Variants in ERBB4 observed in about 807,000 individuals in gnomAD.
The protein encoded by ERBB4 is receptor tyrosine-protein kinase erbB-4.
A neutral mutation model predicts 158.0 loss-of-function variants in ERBB4; 42 were observed. That is an observed-to-expected ratio of 0.27 (90% CI 0.21 to 0.34). The LOEUF (loss-of-function observed/expected upper bound fraction) is 0.34. Among genes scored for constraint, ERBB4 ranks in the 10% least tolerant of loss-of-function variants. ERBB4 has a pLI of 1.00. For synonymous variants in ERBB4, 583 were observed against 558.7 expected (o/e 1.04, Z -0.61); for missense variants, 1,333 against 1,624.1 (o/e 0.82, Z 3.08).
intron 4 of ERBB4, among the ~76,000 whole-genome samples, 168 bp downstream of exon 4, chr2:211,787,857 A>C (rs546386655): frequency 6.6e-6 from 1 of 152,322 alleles, no homozygotes; most frequent in East Asian, 1.9e-4. Flanking sequence ...AAAGAGAATT[A>C]GCTAGAAGTA....
chr2:211,531,148 A>T lies in ERBB4; in HGVS notation c.2487+30755T>A, dbSNP rs189522225. On this transcript the variant is annotated intron_variant, in intron 20 of 27. Coordinates refer to ENST00000342788, the MANE Select transcript of ERBB4 (RefSeq NM_005235.3). ...TAAACTAGACCCTATCTCTTACCAT[A>T]TTAAAAAATCAAATTTTACAGTGGA... Among the ~76,000 whole-genome samples, 35 of 152,260 alleles carry T rather than the reference A, an allele frequency of 2.3e-4. 1 individual carries two copies. In the East Asian group the frequency reaches 6.8e-3, roughly 29 times the overall value.
chr2:211,883,295 T>C (rs1304479050), intron 3 of ERBB4, among the ~76,000 whole-genome samples: 2 of 151,950 alleles, frequency 1.3e-5, no homozygotes, highest in African/African-American at 4.8e-5. Flanking sequence ...CGGGCCCTGT[T>C]GTGGGGTGGG....
chr2:212,410,888 T>A lies in ERBB4; in HGVS notation c.82+127561A>T. 1.3e-5 allele frequency among the ~76,000 whole-genome samples: 2 copies of A among 152,082 alleles called. 1 individual carries two copies. The highest frequency in any genetic ancestry group is 3.8e-4 in the East Asian group (2 of 5,198). On this transcript the variant is annotated intron_variant, in intron 1 of 27. Coordinates refer to ENST00000342788, the MANE Select transcript of ERBB4 (RefSeq NM_005235.3). Reference sequence around the variant, plus strand: ...TATTCAGATAGTTTCTCAAAGATTATTTACTGTTAATTTGTAGCCTCAAAA... The same window carrying A: ...TATTCAGATAGTTTCTCAAAGATTAATTACTGTTAATTTGTAGCCTCAAAA...
Position 211,560,262 on chromosome 2 carries a change from CTTTTTTT to C in ERBB4, c.2487+1634_2487+1640del, listed in dbSNP as rs769707072. Among the ~76,000 whole-genome samples the C allele has an allele frequency of 4.3e-3, 198 of 46,268 alleles. 2 individuals carry two copies. The highest frequency in any genetic ancestry group is 0.019 in the African/African-American group (193 of 10,414). 30.4% of individuals were successfully genotyped at this position (46,268 alleles called of 152,430 possible). ...CAGCACTAACAAATTTGAAGCTTAG[CTTTTTTT>C]TTTTTTTTTTTTTTTTTTTTTTGAG... On this transcript the variant is annotated intron_variant, in intron 20 of 27. Coordinates refer to ENST00000342788, the MANE Select transcript of ERBB4 (RefSeq NM_005235.3).
intron 1 of ERBB4, among the ~76,000 whole-genome samples, chr2:212,259,029 T>C (rs1392932761): frequency 6.6e-6 from 1 of 152,162 alleles, no homozygotes; most frequent in African/African-American, 2.4e-5. Flanking sequence ...GATGGACCAA[T>C]TGGAGCATCT....
chr2:211,707,299 T>G (rs767980065), intron 9 of ERBB4, among the ~76,000 whole-genome samples: 11 of 152,150 alleles, frequency 7.2e-5, no homozygotes, highest in Non-Finnish European at 1.6e-4. Context: ...ACTCACTGAT[T>G]TCAAAGTATG....
intron 1 of ERBB4, among the ~76,000 whole-genome samples, chr2:212,165,063 G>C (rs777029054): frequency 1.3e-5 from 2 of 151,760 alleles, no homozygotes; most frequent in Non-Finnish European, 2.9e-5. Flanking sequence ...TGCTGCGGTC[G>C]ACTTTGTCCA....
chr2:212,254,743 T>C (rs1186115516), intron 1 of ERBB4, among the ~76,000 whole-genome samples: 13 of 152,162 alleles, frequency 8.5e-5, no homozygotes, highest in Admixed American at 8.5e-4. Flanking sequence ...TTGTGAATAT[T>C]CAGGATGTGC....
intron 16 of ERBB4, among the ~76,000 whole-genome samples, chr2:211,632,257 G>C (rs2070171083): frequency 6.6e-6 from 1 of 151,976 alleles, no homozygotes. Flanking sequence ...ATTGTGATAT[G>C]TTTTTGTTTG....
chr2:211,964,974 T>C (rs1407717196), intron 2 of ERBB4, among the ~76,000 whole-genome samples: 1 of 152,178 alleles, frequency 6.6e-6, no homozygotes, highest in Non-Finnish European at 1.5e-5. Flanking sequence ...ATTTCCATGT[T>C]ACCTTTTAAA....
At chr2:212,337,963 C>T (rs2088524602) in intron 1 of ERBB4, among the ~76,000 whole-genome samples, 1 of 152,084 alleles carries the variant, frequency 6.6e-6, no homozygotes, top group Admixed American at 6.6e-5. Context: ...AAAGCAGACA[C>T]TTTTGAGAGT....
chr2:211,990,621 T>C (rs1414776808), intron 2 of ERBB4, among the ~76,000 whole-genome samples: 2 of 151,962 alleles, frequency 1.3e-5, no homozygotes, highest in Admixed American at 6.6e-5. Context: ...AAATTTAAAA[T>C]AGCTGGTTAC....
At chr2:211,629,983 A>T (rs2070039352) in intron 17 of ERBB4, among the ~76,000 whole-genome samples, 1 of 152,240 alleles carries the variant, frequency 6.6e-6, no homozygotes, top group African/African-American at 2.4e-5. Flanking sequence ...GGACATAGGC[A>T]TGGGCAAGGA....
chr2:211,561,525 T>A lies in ERBB4; in HGVS notation c.2487+378A>T, dbSNP rs543160040. 3.3e-5 allele frequency among the ~76,000 whole-genome samples: 5 copies of A among 152,358 alleles called. No individual in the cohort carries two copies. The South Asian group carries it at 6.2e-4, about 19-fold the overall frequency. ...GAGAGTTAAACATAAAGGCTATTTT[T>A]AAAAATCATCTAAACATGAACAAAT... On this transcript the variant is annotated intron_variant, in intron 20 of 27. Transcript: ENST00000342788.
intron 17 of ERBB4, among the ~76,000 whole-genome samples, chr2:211,628,458 T>C (rs187201774): frequency 8.6e-4 from 131 of 152,320 alleles, no homozygotes; most frequent in African/African-American, 2.9e-3. Flanking sequence ...CTGAGAATGA[T>C]GGTTTCCAGC....
intron 1 of ERBB4, among the ~76,000 whole-genome samples, chr2:212,212,578 A>G (rs1309688704): frequency 6.6e-6 from 1 of 152,038 alleles, no homozygotes; most frequent in African/African-American, 2.4e-5. Context: ...TTTAAATTTC[A>G]TATGGAATCA....
At chr2:211,790,244 A>G (rs1165703402) in intron 3 of ERBB4, among the ~76,000 whole-genome samples, 2 of 152,062 alleles carry the variant, frequency 1.3e-5, no homozygotes, top group Non-Finnish European at 2.9e-5. Context: ...CCATTAGGTG[A>G]CAAAGAAAGG....
At chr2:211,975,995 T>C (rs530081953) in intron 2 of ERBB4, among the ~76,000 whole-genome samples, 1 of 152,310 alleles carries the variant, frequency 6.6e-6, no homozygotes, top group East Asian at 1.9e-4. Context: ...ATAATTCTTG[T>C]ATAACATATT....
intron 1 of ERBB4, among the ~76,000 whole-genome samples, chr2:212,394,284 ATTCAT>A (rs2090960527): frequency 6.6e-6 from 1 of 152,136 alleles, no homozygotes; most frequent in African/African-American, 2.4e-5. Flanking sequence ...AATAAAAGAA[ATTCAT>A]TTAATATTTT....
Sources: gnomAD v4.1 joint callset for allele counts (sites outside exome capture counted in the v4.1 genomes callset) on GRCh38, gnomAD v4.1.1 for gene constraint, MANE v1.5 for transcripts, NCBI Gene and HGNC (gene_info 2026-07-23, HGNC 2026-07-21) for gene names.